The following SPRED2 variants were observed in gnomAD, a reference collection of about 807,000 sequenced individuals.
The protein encoded by SPRED2 is sprouty related EVH1 domain containing 2.
SPRED2 carries 47 observed loss-of-function variants against 43.0 expected under a neutral mutation model. The observed-to-expected ratio is 1.09, with a 90% CI of 0.87 to 1.40. SPRED2 has a LOEUF of 1.40. Among genes scored for constraint, SPRED2 ranks in the 40% most tolerant of loss-of-function variants. The probability of loss-of-function intolerance (pLI) is 0.00; values close to 1 mark genes in which losing one functional copy is unlikely to be tolerated. For synonymous variants in SPRED2, 225 were observed against 225.7 expected (o/e 1.00, Z 0.03); for missense variants, 561 against 586.4 (o/e 0.96, Z 0.45).
intron 1 of SPRED2, among the ~76,000 whole-genome samples, chr2:65,398,953 C>T (rs1004897568): frequency 6.6e-6 from 1 of 152,118 alleles, no homozygotes; most frequent in African/African-American, 2.4e-5. Context: ...TGGAACCACC[C>T]CAAATGCCTA....
intron 1 of SPRED2, chr2:65,373,653 T>C (rs1053070709): frequency 6.6e-6 from 1 of 152,248 alleles, no homozygotes; most frequent in Non-Finnish European, 1.5e-5. Context: ...TTCATGGCAA[T>C]TGGTGCCACA....
At chr2:65,337,825 T>G (rs1245891406) in intron 2 of SPRED2, among the ~76,000 whole-genome samples, 2 of 152,220 alleles carry the variant, frequency 1.3e-5, no homozygotes, top group Non-Finnish European at 2.9e-5. Context: ...TTTACATCCT[T>G]ATCTATATTT....
chr2:65,427,849 A>T (rs1480725961), intron 1 of SPRED2, among the ~76,000 whole-genome samples: 4 of 152,158 alleles, frequency 2.6e-5, no homozygotes, highest in Non-Finnish European at 5.9e-5. Flanking sequence ...GAGCACAGAG[A>T]CCTTCCTGAA....
chr2:65,410,959 T>C lies in SPRED2; in HGVS notation c.26+21003A>G, dbSNP rs531705782. Among the ~76,000 whole-genome samples the C allele has an allele frequency of 2.8e-3, 426 of 152,282 alleles. 1 individual carries two copies. The highest frequency in any genetic ancestry group is 5.1e-3 in the Non-Finnish European group (345 of 68,022). On this transcript the variant is annotated intron_variant, in intron 1 of 5. Coordinates refer to ENST00000356388, the MANE Select transcript of SPRED2 (RefSeq NM_181784.3). ...ACTGCCATCGGGACAGGGGTCATGGTCTGCACAGAAGGACCTCAGACTGTT... is the reference window on the plus strand; with the variant it reads ...ACTGCCATCGGGACAGGGGTCATGGCCTGCACAGAAGGACCTCAGACTGTT...
intron 4 of SPRED2, among the ~76,000 whole-genome samples, chr2:65,322,424 GC>G (rs1442633365): frequency 1.3e-5 from 2 of 150,798 alleles, no homozygotes; most frequent in Non-Finnish European, 2.9e-5. Context: ...CTCCCAAGTA[GC>G]TGGGACTATA....
rs115583026 is a variant in SPRED2, at chr2:65,364,713, C to G, written c.27-19817G>C. Among the ~76,000 whole-genome samples, 287 of 152,126 alleles carry G rather than the reference C, an allele frequency of 1.9e-3. 1 individual carries two copies. The highest frequency in any genetic ancestry group is 6.3e-3 in the African/African-American group (261 of 41,490). On this transcript the variant is annotated intron_variant, in intron 1 of 5. Coordinates refer to ENST00000356388, the MANE Select transcript of SPRED2 (RefSeq NM_181784.3). ...ACAGAAAGTGTCACTAAATCAAGAACTTTAAAATAAATGTTTTTTTTATCC... is the reference window on the plus strand; with the variant it reads ...ACAGAAAGTGTCACTAAATCAAGAAGTTTAAAATAAATGTTTTTTTTATCC...
intron 1 of SPRED2, among the ~76,000 whole-genome samples, chr2:65,414,964 T>A (rs1362195905): frequency 2.6e-5 from 4 of 152,010 alleles, no homozygotes; most frequent in East Asian, 3.8e-4. Flanking sequence ...TTTAAAAAAA[T>A]TTTTTTTTGT....
chr2:65,348,393 A>C (rs1168659572), intron 1 of SPRED2, among the ~76,000 whole-genome samples: 1 of 152,236 alleles, frequency 6.6e-6, no homozygotes, highest in Non-Finnish European at 1.5e-5. Context: ...ACAGGAGCAG[A>C]AACTTTGCCT....
intron 1 of SPRED2, among the ~76,000 whole-genome samples, chr2:65,405,110 C>T (rs1473002488): frequency 2.6e-5 from 4 of 152,240 alleles, no homozygotes; most frequent in African/African-American, 9.6e-5. Context: ...CAAGCATTAG[C>T]TCATCTAAAT....
intron 1 of SPRED2, among the ~76,000 whole-genome samples, chr2:65,415,354 T>G (rs1676248502): frequency 6.6e-6 from 1 of 152,296 alleles, no homozygotes; most frequent in African/African-American, 2.4e-5. Flanking sequence ...CTGTTTTAAG[T>G]CAATGTATTT....
chr2:65,366,482 A>G, intron 1 of SPRED2: 2 of 1,170,206 alleles, frequency 1.7e-6, no homozygotes, highest in African/African-American at 1.5e-5. Context: ...GTCCTCTACA[A>G]CTAGGATAAA....
chr2:65,382,976 C>T (rs755885562), intron 1 of SPRED2, among the ~76,000 whole-genome samples: 4 of 152,200 alleles, frequency 2.6e-5, no homozygotes, highest in Non-Finnish European at 5.9e-5. Flanking sequence ...CCAGCCCCAC[C>T]TCGGAAGGCC....
intron 1 of SPRED2, among the ~76,000 whole-genome samples, chr2:65,419,884 T>G (rs1026113830): frequency 6.6e-6 from 1 of 152,096 alleles, no homozygotes; most frequent in African/African-American, 2.4e-5. Flanking sequence ...GGGAGAGACC[T>G]TAAGTTTTAT....
intron 1 of SPRED2, among the ~76,000 whole-genome samples, chr2:65,387,964 TG>T (rs1675539804): frequency 6.6e-6 from 1 of 152,184 alleles, no homozygotes; most frequent in Non-Finnish European, 1.5e-5. Context: ...GGCTAATTTT[TG>T]TATTTTCAGT....
At chr2:65,401,664 G>A (rs1035981489) in intron 1 of SPRED2, among the ~76,000 whole-genome samples, 4 of 151,854 alleles carry the variant, frequency 2.6e-5, no homozygotes, top group African/African-American at 9.7e-5. Flanking sequence ...CGGGCATGGT[G>A]GCGGGCGCGC....
chr2:65,374,067 T>C (rs1273290888), intron 1 of SPRED2: 1 of 152,242 alleles, frequency 6.6e-6, no homozygotes, highest in East Asian at 1.9e-4. Flanking sequence ...TTTTCGCCAC[T>C]GAGATCCATT....
intron 1 of SPRED2, among the ~76,000 whole-genome samples, chr2:65,385,589 GA>G (rs1675476368): frequency 6.6e-6 from 1 of 152,188 alleles, no homozygotes; most frequent in African/African-American, 2.4e-5. Context: ...TTCCTGGTCT[GA>G]TACAGCGGTG....
chr2:65,354,102 A>G (rs1674581432), intron 1 of SPRED2, among the ~76,000 whole-genome samples: 1 of 152,248 alleles, frequency 6.6e-6, no homozygotes, highest in Non-Finnish European at 1.5e-5. Flanking sequence ...ACAGAGGCTT[A>G]GGAGCCTTTG....
At chr2:65,380,587 A>G in intron 1 of SPRED2, 1 of 152,228 alleles carries the variant, frequency 6.6e-6, no homozygotes, top group East Asian at 1.9e-4. Context: ...CTTAGCTCTA[A>G]TAAACTTAAA....
Sources: allele counts gnomAD v4.1 joint callset (sites outside exome capture counted in the v4.1 genomes callset), GRCh38; gene constraint gnomAD v4.1.1; transcripts MANE v1.5; gene names NCBI Gene and HGNC (gene_info 2026-07-23, HGNC 2026-07-21).